PHF2: variants seen among roughly 807,000 people sequenced by gnomAD.
PHF2 encodes the protein lysine-specific demethylase PHF2.
A neutral mutation model predicts 120.5 loss-of-function variants in PHF2; 27 were observed. That is an observed-to-expected ratio of 0.22 (90% confidence interval 0.17 to 0.31). The LOEUF is 0.31. PHF2 is among the 10% of genes least tolerant of loss of function. The pLI, the probability that PHF2 is intolerant of heterozygous loss-of-function variation, is 1.00. For missense variants in PHF2, 1,024 were observed against 1,434.8 expected (o/e 0.71, Z 4.63); for synonymous variants, 568 against 592.5 (o/e 0.96, Z 0.60).
At chr9:93,675,813 A>G (rs1315479442) in intron 20 of PHF2, 24 bp downstream of exon 20, 2 of 1,576,216 alleles carry the variant, frequency 1.3e-6, no homozygotes, top group South Asian at 2.2e-5. Flanking sequence ...AGAAGGACAC[A>G]CGGCAGCCAG....
At position 93,665,881 on chromosome 9, in the gene PHF2, T is replaced by C. The variant is rs1378664278; in HGVS notation, c.2116+17T>C. The C allele has an allele frequency of 6.2e-7, 1 of 1,610,956 alleles. No homozygotes were observed. The highest frequency in any genetic ancestry group is 8.5e-7 in the Non-Finnish European group (1 of 1,179,208). ...ACTTGTCCTGTGAGTTGGGAGGGGG[T>C]GTTGGGGGAGGGGTGTGGGAGAGGC... is the stretch of plus-strand genomic sequence containing the variant. On this transcript the variant is annotated intron_variant, in intron 15 of 21. Coordinates refer to ENST00000359246, the MANE Select transcript of PHF2 (RefSeq NM_005392.4).
chr9:93,603,246 A>G (rs940844672), intron 1 of PHF2, among the ~76,000 whole-genome samples: 11 of 152,128 alleles, frequency 7.2e-5, no homozygotes, highest in African/African-American at 2.7e-4. Context: ...GGTCTGAGAA[A>G]AGACCCCAGG....
intron 4 of PHF2, 111 bp from the exon 5 acceptor site, chr9:93,648,960 C>A: frequency 8.0e-7 from 1 of 1,251,524 alleles, no homozygotes; most frequent in East Asian, 2.6e-5. Flanking sequence ...CCTGGCAGCT[C>A]CTGCTGTGTG....
intron 1 of PHF2, among the ~76,000 whole-genome samples, chr9:93,616,997 G>C (rs1825740427): frequency 6.6e-6 from 1 of 152,102 alleles, no homozygotes; most frequent in South Asian, 2.1e-4. Flanking sequence ...AAAAATTATG[G>C]TTTACATTAA....
At chr9:93,673,894 A>T (rs371961365) in intron 18 of PHF2, 32 bp downstream of exon 18, 1 of 1,543,460 alleles carries the variant, frequency 6.5e-7, no homozygotes, top group Admixed American at 1.8e-5. Context: ...GGCAGGGCCC[A>T]TGCTCAGCCC....
intron 1 of PHF2, among the ~76,000 whole-genome samples, chr9:93,596,578 C>A (rs1825336692): frequency 6.6e-6 from 1 of 151,856 alleles, no homozygotes; most frequent in African/African-American, 2.4e-5. Context: ...AGTGCTACTC[C>A]TTTTTGTAGC....
At chr9:93,649,374 CTTTTT>C (rs752368762) in intron 5 of PHF2, among the ~76,000 whole-genome samples, 162 bp downstream of exon 5, 2 of 105,832 alleles carry the variant, frequency 1.9e-5, no homozygotes, top group Non-Finnish European at 3.7e-5. Context: ...AAATTTTTTC[CTTTTT>C]TTTTTTTTTT....
intron 7 of PHF2, among the ~76,000 whole-genome samples, chr9:93,655,054 C>T (rs1587709384): frequency 6.6e-6 from 1 of 152,246 alleles, no homozygotes; most frequent in East Asian, 1.9e-4. Context: ...GGAGAAGGCC[C>T]GTCATGAGCC....
At chr9:93,626,830 G>T (rs1053404794) in intron 1 of PHF2, among the ~76,000 whole-genome samples, 2 of 152,214 alleles carry the variant, frequency 1.3e-5, no homozygotes, top group African/African-American at 4.8e-5. Flanking sequence ...ATTTGTTGAA[G>T]AGATTATTCC....
chr9:93,668,257 C>G (rs1412689571), intron 17 of PHF2, among the ~76,000 whole-genome samples: 1 of 152,172 alleles, frequency 6.6e-6, no homozygotes, highest in Non-Finnish European at 1.5e-5. Context: ...CTGCTTGGCA[C>G]TAGGTGGTTC....
chr9:93,676,217 A>T (rs183565632), intron 20 of PHF2, among the ~76,000 whole-genome samples: 74 of 152,326 alleles, frequency 4.9e-4, no homozygotes, highest in Non-Finnish European at 5.3e-4. Flanking sequence ...GGAGGGTCCT[A>T]GAGCCTCACA....
At chr9:93,667,003 G>C in intron 16 of PHF2, 77 bp from the exon 17 acceptor site, 1 of 1,247,910 alleles carries the variant, frequency 8.0e-7, no homozygotes, top group Non-Finnish European at 1.1e-6. Context: ...AAGGGAAAAA[G>C]TATCCTCCTC....
chr9:93,659,649 G>A, intron 11 of PHF2, 49 bp downstream of exon 11: 1 of 1,546,844 alleles, frequency 6.5e-7, no homozygotes, highest in Non-Finnish European at 8.9e-7. Context: ...ATTGGGGAGG[G>A]CCCACCTGTC....
chr9:93,646,864 G>A (rs1026036589), intron 4 of PHF2, among the ~76,000 whole-genome samples: 4 of 152,236 alleles, frequency 2.6e-5, no homozygotes, highest in African/African-American at 4.8e-5. Flanking sequence ...TGCTTGTCCC[G>A]GGACCTGGGG....
chr9:93,668,463 C>T lies in PHF2; in HGVS notation c.2348+1223C>T, dbSNP rs926467322. ...GGGGCAGGAGAGGCCCCTAAACACCCTAGGCCCCTCCCGAGGTCCATGGAG... is the reference window on the plus strand; with the variant it reads ...GGGGCAGGAGAGGCCCCTAAACACCTTAGGCCCCTCCCGAGGTCCATGGAG... On this transcript the variant is annotated intron_variant, in intron 17 of 21. Coordinates refer to ENST00000359246, the MANE Select transcript of PHF2 (RefSeq NM_005392.4). 5.3e-5 allele frequency among the ~76,000 whole-genome samples: 8 copies of T among 152,064 alleles called. No individual in the cohort carries two copies. The East Asian group carries it at 1.5e-3, about 29-fold the overall frequency.
chr9:93,676,461 GTCAGGCC>G lies in PHF2; in HGVS notation c.2833-125_2833-119del, dbSNP rs1587725457. ...CATGCTGTGCCCCTGGCGGCCCAGA[GTCAGGCC>G]TCAGGCCCCTGCTGCCCAGCCCTGC... On this transcript the variant is annotated intron_variant, in intron 20 of 21. Transcript: ENST00000359246. 4.6e-6 allele frequency: 5 copies of G among 1,094,036 alleles called. No homozygotes were observed. The East Asian group carries it at 1.2e-4, about 27-fold the overall frequency. 67.8% of individuals were successfully genotyped at this position (1,094,036 alleles called of 1,614,324 possible).
chr9:93,634,783 GAC>G (rs1225331386), intron 2 of PHF2, among the ~76,000 whole-genome samples: 1 of 152,226 alleles, frequency 6.6e-6, no homozygotes, highest in African/African-American at 2.4e-5. Flanking sequence ...GGGCATAGGG[GAC>G]ACACAGGGAT....
intron 1 of PHF2, among the ~76,000 whole-genome samples, chr9:93,625,485 T>C (rs995931045): frequency 6.8e-6 from 1 of 146,298 alleles, no homozygotes; most frequent in African/African-American, 2.5e-5. Flanking sequence ...TTTTTTTTTT[T>C]TTTTTTTTTG....
At chr9:93,581,647 A>G (rs1055032741) in intron 1 of PHF2, among the ~76,000 whole-genome samples, 2 of 152,156 alleles carry the variant, frequency 1.3e-5, no homozygotes, top group African/African-American at 2.4e-5. Context: ...AACGTTTGCT[A>G]TTATTGAATA....
Sources: allele counts gnomAD v4.1 joint callset (sites outside exome capture counted in the v4.1 genomes callset), GRCh38; gene constraint gnomAD v4.1.1; transcripts MANE v1.5; gene names NCBI Gene and HGNC (gene_info 2026-07-23, HGNC 2026-07-21).